TENM2: variants seen among roughly 807,000 people sequenced by gnomAD.
The protein encoded by TENM2 is teneurin-2.
A neutral mutation model predicts 245.2 loss-of-function variants in TENM2; 52 were observed. The observed-to-expected ratio is 0.21, with a 90% CI of 0.17 to 0.27. The LOEUF (loss-of-function observed/expected upper bound fraction) is 0.27, where lower values mean the gene tolerates loss of function less well. Among genes scored for constraint, TENM2 ranks in the 10% least tolerant of loss-of-function variants. TENM2 has a pLI of 1.00. For synonymous variants in TENM2, 1,363 were observed against 1,438.9 expected (o/e 0.95, Z 1.19); for missense variants, 3,046 against 3,666.8 (o/e 0.83, Z 4.37).
chr5:167,877,840 T>G (rs1426910379), intron 3 of TENM2, among the ~76,000 whole-genome samples: 1 of 152,230 alleles, frequency 6.6e-6, no homozygotes, highest in Admixed American at 6.5e-5. Flanking sequence ...GCCCTTTTTT[T>G]GCTGCAGAGA....
chr5:168,180,928 G>A (rs150074983), intron 13 of TENM2, among the ~76,000 whole-genome samples: 2 of 151,318 alleles, frequency 1.3e-5, no homozygotes, highest in African/African-American at 4.9e-5. Flanking sequence ...AAAAAATGCA[G>A]GTTCCCAATA....
the TENM2 span, among the ~76,000 whole-genome samples, chr5:167,103,054 T>C: frequency 6.6e-6 from 1 of 152,204 alleles, no homozygotes; most frequent in African/African-American, 2.4e-5. Context: ...GGCAGTCACT[T>C]CAAGACTGAG....
chr5:167,618,077 A>G (rs1420893262), intron 2 of TENM2, among the ~76,000 whole-genome samples: 1 of 152,186 alleles, frequency 6.6e-6, no homozygotes, highest in African/African-American at 2.4e-5. Context: ...GACAAAATTT[A>G]TCACTAATTA....
the TENM2 span, among the ~76,000 whole-genome samples, chr5:167,090,676 T>G: frequency 6.6e-6 from 1 of 152,350 alleles, no homozygotes. Context: ...AGGGAATATA[T>G]TTGCCCATTA....
intron 2 of TENM2, among the ~76,000 whole-genome samples, chr5:167,823,021 G>A (rs1767660450): frequency 6.6e-6 from 1 of 152,136 alleles, no homozygotes; most frequent in South Asian, 2.1e-4. Context: ...ATAGGTAAAT[G>A]TATCCGTTTG....
chr5:167,360,838 T>C (rs1337974703), intron 1 of TENM2, among the ~76,000 whole-genome samples: 1 of 152,166 alleles, frequency 6.6e-6, no homozygotes, highest in East Asian at 1.9e-4. Context: ...TTAGAGTGCG[T>C]ACTATCAAAC....
chr5:167,124,761 A>C, the TENM2 span, among the ~76,000 whole-genome samples: 1 of 152,190 alleles, frequency 6.6e-6, no homozygotes, highest in Non-Finnish European at 1.5e-5. Context: ...AGGAGCCTCA[A>C]CAATGTCTAG....
At chr5:168,174,215 G>A (rs1759125211) in intron 13 of TENM2, among the ~76,000 whole-genome samples, 1 of 152,152 alleles carries the variant, frequency 6.6e-6, no homozygotes, top group Non-Finnish European at 1.5e-5. Context: ...GCCTTTTGTT[G>A]TGTTGCCTCC....
At chr5:167,594,385 A>C (rs2127712876) in intron 2 of TENM2, among the ~76,000 whole-genome samples, 1 of 152,302 alleles carries the variant, frequency 6.6e-6, no homozygotes, top group Middle Eastern at 3.4e-3. Context: ...ACAAAAATAT[A>C]ATGCTTAGTC....
intron 2 of TENM2, among the ~76,000 whole-genome samples, chr5:167,437,017 G>C (rs1350252464): frequency 6.6e-6 from 1 of 152,218 alleles, no homozygotes; most frequent in Non-Finnish European, 1.5e-5. Context: ...CCCCCTCACA[G>C]AGTCCCTACT....
At chr5:168,198,750 C>T (rs1370708879) in intron 15 of TENM2, 103 bp from the exon 18 acceptor site, 1 of 1,427,718 alleles carries the variant, frequency 7.0e-7, no homozygotes, top group African/African-American at 1.4e-5. Flanking sequence ...ATGGTCTCCT[C>T]TGTGCTCTGC....
intron 2 of TENM2, among the ~76,000 whole-genome samples, chr5:167,664,452 C>G (rs910738453): frequency 2.6e-5 from 4 of 152,106 alleles, no homozygotes; most frequent in African/African-American, 9.7e-5. Context: ...GCTCAGAGTT[C>G]AACTTGCTGG....
chr5:167,200,314 C>T, the TENM2 span, among the ~76,000 whole-genome samples: 11 of 152,036 alleles, frequency 7.2e-5, no homozygotes, highest in Non-Finnish European at 8.8e-5. Context: ...TGAGGGACCA[C>T]TCCATACCAG....
chr5:167,007,208 C>T, the TENM2 span, among the ~76,000 whole-genome samples: 1 of 152,060 alleles, frequency 6.6e-6, no homozygotes, highest in Non-Finnish European at 1.5e-5. The surrounding 1 kb of genome is among the most constrained non-coding windows in gnomAD (Gnocchi z 4.2). Flanking sequence ...TGTTATTCCC[C>T]CATTGCCTAG....
chr5:167,137,149 C>T, the TENM2 span, among the ~76,000 whole-genome samples: 13 of 152,112 alleles, frequency 8.5e-5, no homozygotes, highest in African/African-American at 2.9e-4. Flanking sequence ...ACATGACCTC[C>T]TCTAATCCTC....
intron 6 of TENM2, among the ~76,000 whole-genome samples, chr5:168,049,568 T>G (rs1385851358): frequency 2.0e-5 from 3 of 152,170 alleles, no homozygotes; most frequent in Non-Finnish European, 2.9e-5. Context: ...TTTCTACCTC[T>G]GCTCCCCACC....
intron 4 of TENM2, among the ~76,000 whole-genome samples, chr5:167,958,545 C>T (rs566133249): frequency 1.3e-5 from 2 of 152,094 alleles, no homozygotes; most frequent in South Asian, 2.1e-4. Context: ...TTATTTTGCC[C>T]GTTGGTTGAT....
chr5:168,209,371 C>T (rs1172309836), intron 19 of TENM2, among the ~76,000 whole-genome samples: 5 of 152,192 alleles, frequency 3.3e-5, no homozygotes, highest in Non-Finnish European at 7.3e-5. Flanking sequence ...GGGACTTTTA[C>T]TCTCTGCAGT....
At chr5:168,043,662 T>G (rs1788384350) in intron 5 of TENM2, among the ~76,000 whole-genome samples, 1 of 152,166 alleles carries the variant, frequency 6.6e-6, no homozygotes, top group Admixed American at 6.5e-5. Flanking sequence ...TAACAAACAA[T>G]CCCAAACTCT....
Sources: gnomAD v4.1 joint callset for allele counts (sites outside exome capture counted in the v4.1 genomes callset) on GRCh38, gnomAD v4.1.1 for gene constraint, Gnocchi (gnomAD v3.1) non-coding constraint, MANE v1.5 for transcripts, NCBI Gene and HGNC (gene_info 2026-07-23, HGNC 2026-07-21) for gene names.